Variants in RIPOR2 observed in about 807,000 individuals in gnomAD.
RIPOR2 encodes rho family-interacting cell polarization regulator 2.
A neutral mutation model predicts 114.5 loss-of-function variants in RIPOR2; 39 were observed. That is an observed-to-expected ratio of 0.34 (90% CI 0.26 to 0.44). The LOEUF (loss-of-function observed/expected upper bound fraction) is 0.44, where lower values mean the gene tolerates loss of function less well. Among genes scored for constraint, RIPOR2 ranks in the 20% least tolerant of loss-of-function variants. RIPOR2 has a pLI of 1.00. For synonymous variants in RIPOR2, 445 were observed against 484.4 expected, an observed-to-expected ratio of 0.92 and a Z score of 1.07; for missense variants, 1,007 against 1,255.1, an observed-to-expected ratio of 0.80 and a Z score of 2.99.
intron 8 of RIPOR2, among the ~76,000 whole-genome samples, chr6:24,853,595 GT>G (rs1239240914): frequency 2.0e-5 from 3 of 152,192 alleles, no homozygotes; most frequent in Non-Finnish European, 4.4e-5. Flanking sequence ...AGGTTAATTT[GT>G]TTGTCTACTG....
intron 1 of RIPOR2, among the ~76,000 whole-genome samples, chr6:24,947,451 T>C (rs1318202880): frequency 6.6e-6 from 1 of 152,208 alleles, no homozygotes; most frequent in African/African-American, 2.4e-5. Flanking sequence ...ATGTCTGAAA[T>C]GTATTAATAA....
intron 1 of RIPOR2, among the ~76,000 whole-genome samples, chr6:25,003,394 A>ATTC (rs1775405105): frequency 7.3e-6 from 1 of 137,086 alleles, no homozygotes; most frequent in Non-Finnish European, 1.5e-5. Context: ...CATTATTATT[A>ATTC]TTATTATTAT....
chr6:24,935,779 G>C (rs566314605), intron 1 of RIPOR2, 59 bp downstream of exon 1: 62 of 1,235,152 alleles, frequency 5.0e-5, no homozygotes, highest in Non-Finnish European at 6.8e-5. Flanking sequence ...AAAGTGTCCA[G>C]TGGTGTCAAA....
chr6:24,943,976 G>A, intron 1 of RIPOR2, among the ~76,000 whole-genome samples: 1 of 152,106 alleles, frequency 6.6e-6, no homozygotes, highest in Non-Finnish European at 1.5e-5. Flanking sequence ...AGTCAATACT[G>A]CAGCCGCCTA....
intron 1 of RIPOR2, among the ~76,000 whole-genome samples, chr6:24,901,435 G>A (rs946133620): frequency 1.3e-5 from 2 of 152,130 alleles, no homozygotes; most frequent in South Asian, 2.1e-4. Flanking sequence ...TACACATTGA[G>A]GATCTGGAAA....
At chr6:24,963,099 G>A (rs138781657) in intron 1 of RIPOR2, among the ~76,000 whole-genome samples, 119 of 152,220 alleles carry the variant, frequency 7.8e-4, no homozygotes, top group African/African-American at 2.6e-3. Flanking sequence ...ATACAATGGC[G>A]CAATCTTGGC....
chr6:24,912,332 C>T (rs1769696512), intron 1 of RIPOR2, among the ~76,000 whole-genome samples: 1 of 152,082 alleles, frequency 6.6e-6, no homozygotes, highest in Admixed American at 6.5e-5. Flanking sequence ...TTTTATTTCC[C>T]TTGCCAACCC....
chr6:24,940,182 T>C (rs1245394196), upstream of RIPOR2, among the ~76,000 whole-genome samples: 1 of 152,188 alleles, frequency 6.6e-6, no homozygotes, highest in African/African-American at 2.4e-5. Context: ...TAATAATTTA[T>C]TAATTTAAAA....
chr6:24,920,305 A>C (rs964848322), intron 1 of RIPOR2, among the ~76,000 whole-genome samples: 1 of 152,252 alleles, frequency 6.6e-6, no homozygotes, highest in Non-Finnish European at 1.5e-5. Flanking sequence ...AAATGCAAGC[A>C]TGTGAACTTG....
At position 24,839,074 on chromosome 6, in the gene RIPOR2, A is replaced by G; in HGVS notation, c.2039+17T>C. On this transcript the variant is annotated intron_variant, in intron 14 of 21. Transcript: ENST00000643898. ...TGTGACAGGAGAAATATAAGGAGAC[A>G]CTAACTTCAGACTTACCTGTGTTTC... The G allele has an allele frequency of 6.5e-7, 1 of 1,545,102 alleles. No individual in the cohort carries two copies. The highest frequency in any genetic ancestry group is 8.8e-7 in the Non-Finnish European group (1 of 1,141,612).
upstream of RIPOR2, among the ~76,000 whole-genome samples, chr6:24,937,610 T>C (rs370148701): frequency 2.8e-4 from 43 of 152,278 alleles, no homozygotes; most frequent in African/African-American, 8.7e-4. Flanking sequence ...ACTAAAGCTC[T>C]CTTTTGTGTG....
rs369286627 is a variant in RIPOR2 at position 24,927,143 on chromosome 6, C to G, written c.61+8695G>C. 1.3e-3 allele frequency among the ~76,000 whole-genome samples: 30 copies of G among 22,886 alleles called. 12 individuals carry two copies. The highest frequency in any genetic ancestry group is 3.2e-3 in the African/African-American group (19 of 6,008). 15.0% of individuals were successfully genotyped at this position (22,886 alleles called of 152,430 possible). On this transcript the variant is annotated intron_variant, in intron 1 of 21. Transcript: ENST00000643898. ...TATAATCATCATCTCACTACCACCA[C>G]CACCACCACCACCACCACAACTACA...
intron 8 of RIPOR2, among the ~76,000 whole-genome samples, chr6:24,855,520 G>C (rs1763380606): frequency 6.6e-6 from 1 of 152,196 alleles, no homozygotes; most frequent in Non-Finnish European, 1.5e-5. Flanking sequence ...ATTTTGATGA[G>C]CTGGTCCAGA....
chr6:24,809,856 G>A (rs552395672), intron 20 of RIPOR2, 49 bp from the exon 21 acceptor site: 46 of 1,217,292 alleles, frequency 3.8e-5, no homozygotes, highest in Non-Finnish European at 5.0e-5. Flanking sequence ...TAGGTCTAGA[G>A]TACCACGAGA....
intron 1 of RIPOR2, among the ~76,000 whole-genome samples, chr6:24,973,243 T>C (rs1333982935): frequency 6.6e-6 from 1 of 152,160 alleles, no homozygotes; most frequent in East Asian, 1.9e-4. Context: ...AGTCTGAAGA[T>C]TCTCAAAGAA....
At chr6:25,004,201 C>T (rs1207337943) in intron 1 of RIPOR2, among the ~76,000 whole-genome samples, 2 of 151,986 alleles carry the variant, frequency 1.3e-5, no homozygotes, top group African/African-American at 4.8e-5. Context: ...ACAATGATAC[C>T]CAAACTCAGT....
chr6:25,033,061 G>A lies in RIPOR2; in HGVS notation c.76+8790C>T, dbSNP rs146826890. On this transcript the variant is annotated intron_variant, in intron 1 of 13. Transcript: ENST00000510784. ...CTCTACAAAAAATTAAAAATTAGCC[G>A]GGCATGGTGGCACATTCCTGTGGTC... Among the ~76,000 whole-genome samples, 60 of 152,214 alleles carry A rather than the reference G, an allele frequency of 3.9e-4. No individual in the cohort carries two copies. The East Asian group carries it at 0.01, about 26-fold the overall frequency.
chr6:24,976,833 C>A, intron 1 of RIPOR2: 1 of 1,610,616 alleles, frequency 6.2e-7, no homozygotes, highest in Non-Finnish European at 8.5e-7. Flanking sequence ...ATCTGCACTG[C>A]CAAGACTGAG....
chr6:24,919,476 C>A (rs1021012957), intron 1 of RIPOR2, among the ~76,000 whole-genome samples: 6 of 152,172 alleles, frequency 3.9e-5, no homozygotes, highest in African/African-American at 1.2e-4. Flanking sequence ...TTTATGGAAT[C>A]CCGGCTATGT....
Sources: allele counts gnomAD v4.1 joint callset (sites outside exome capture counted in the v4.1 genomes callset), GRCh38; gene constraint gnomAD v4.1.1; transcripts MANE v1.5; gene names NCBI Gene and HGNC (gene_info 2026-07-23, HGNC 2026-07-21).